The following PTPRO variants were observed in gnomAD, a reference collection of about 807,000 sequenced individuals.
The protein encoded by PTPRO is protein tyrosine phosphatase receptor type O.
Under a neutral mutation model 145.2 loss-of-function variants are expected in PTPRO, and 62 were observed. The ratio of observed to expected loss-of-function variants is 0.43; its 90% CI spans 0.35 to 0.53. The LOEUF (loss-of-function observed/expected upper bound fraction) is 0.53. Among genes scored for constraint, PTPRO ranks in the 20% least tolerant of loss-of-function variants. PTPRO has a pLI of 0.01. For missense variants in PTPRO, 1,345 were observed against 1,482.7 expected (o/e 0.91, Z 1.53); for synonymous variants, 565 against 514.7 (o/e 1.10, Z -1.32).
intron 1 of PTPRO, among the ~76,000 whole-genome samples, chr12:15,454,895 T>C (rs1941136850): frequency 6.6e-6 from 1 of 152,184 alleles, no homozygotes; most frequent in African/African-American, 2.4e-5. Flanking sequence ...AAAACATATA[T>C]GCTCGTGTTA....
At chr12:15,528,805 A>C (rs1433317220) in intron 12 of PTPRO, among the ~76,000 whole-genome samples, 2 of 152,114 alleles carry the variant, frequency 1.3e-5, no homozygotes. Flanking sequence ...ATAACAGGTA[A>C]ACAAGCTGCA....
chr12:15,435,507 A>G (rs1940570002), intron 1 of PTPRO, among the ~76,000 whole-genome samples: 1 of 151,678 alleles, frequency 6.6e-6, no homozygotes, highest in Admixed American at 6.6e-5. Flanking sequence ...TTCTTTTGGC[A>G]TTTGGGCTAA....
chr12:15,549,668 T>A (rs986551290), intron 14 of PTPRO, among the ~76,000 whole-genome samples: 1 of 152,142 alleles, frequency 6.6e-6, no homozygotes, highest in African/African-American at 2.4e-5. Context: ...GCCAAAAGTA[T>A]AAGTGGGAAA....
At chr12:15,567,033 A>G (rs1052713752) in intron 18 of PTPRO, among the ~76,000 whole-genome samples, 1 of 152,182 alleles carries the variant, frequency 6.6e-6, no homozygotes, top group African/African-American at 2.4e-5. Context: ...GCGTCCTTGG[A>G]CGAAAAGGAG....
intron 2 of PTPRO, among the ~76,000 whole-genome samples, chr12:15,489,272 G>A (rs931219363): frequency 1.1e-4 from 16 of 152,246 alleles, no homozygotes; most frequent in South Asian, 2.1e-4. Flanking sequence ...TGGATCTCAC[G>A]CAAGAAAGAA....
At chr12:15,334,005 T>C (rs1565569196) in intron 1 of PTPRO, among the ~76,000 whole-genome samples, 1 of 152,206 alleles carries the variant, frequency 6.6e-6, no homozygotes, top group African/African-American at 2.4e-5. Context: ...GTTTTTATCT[T>C]GGCTCTACGG....
chr12:15,354,399 C>A (rs1400015943), intron 1 of PTPRO, among the ~76,000 whole-genome samples: 1 of 152,082 alleles, frequency 6.6e-6, no homozygotes, highest in Non-Finnish European at 1.5e-5. Flanking sequence ...CAAATGGATG[C>A]CTTATCTTTC....
chr12:15,505,502 C>T (rs895014956), intron 6 of PTPRO, among the ~76,000 whole-genome samples: 1 of 152,168 alleles, frequency 6.6e-6, no homozygotes, highest in African/African-American at 2.4e-5. Flanking sequence ...AATGCAATTA[C>T]TTTAAAGAGA....
chr12:15,513,155 GAAAAAGAAAGAAAGAA>G (rs1942490397), intron 7 of PTPRO, among the ~76,000 whole-genome samples: 1 of 24,374 alleles, frequency 4.1e-5, no homozygotes, highest in African/African-American at 1.1e-4. Context: ...AAGAAAGAAA[GAAAAAGAAAGAAAGAA>G]AGAAAGAAAG....
chr12:15,332,355 G>A (rs1056299894), intron 1 of PTPRO, among the ~76,000 whole-genome samples: 6 of 152,132 alleles, frequency 3.9e-5, no homozygotes, highest in African/African-American at 9.7e-5. Flanking sequence ...TCAGAATCAG[G>A]AGAATTTGCT....
intron 2 of PTPRO, among the ~76,000 whole-genome samples, chr12:15,491,053 G>A (rs375710231): frequency 8.5e-4 from 130 of 152,298 alleles, no homozygotes; most frequent in African/African-American, 3.1e-3. Context: ...GTGGGCAGCT[G>A]GTGTTGCCAG....
At chr12:15,512,381 C>T (rs1591669120) in intron 7 of PTPRO, among the ~76,000 whole-genome samples, 1 of 151,700 alleles carries the variant, frequency 6.6e-6, no homozygotes, top group East Asian at 2.0e-4. Context: ...TCCCAAAGTG[C>T]TGGGATTACA....
rs373115145 is a variant in PTPRO at position 15,520,862 on chromosome 12, GGAT to G, written c.1891+554_1891+556del. On this transcript the variant is annotated intron_variant, in intron 10 of 26. Coordinates refer to ENST00000281171, the MANE Select transcript of PTPRO (RefSeq NM_030667.3). ...ATGTTTTTTTTAATGTGGAAAATGGGGATGATAATAGTATCAGTTATCTGTTAT... is the reference window on the plus strand; with the variant it reads ...ATGTTTTTTTTAATGTGGAAAATGGGGATAATAGTATCAGTTATCTGTTAT... 5.3e-4 allele frequency among the ~76,000 whole-genome samples: 81 copies of G among 151,928 alleles called. 1 individual carries two copies. The highest frequency in any genetic ancestry group is 1.8e-3 in the African/African-American group (74 of 41,432).
chr12:15,589,067 A>G (rs571228943), intron 24 of PTPRO, among the ~76,000 whole-genome samples: 2 of 152,314 alleles, frequency 1.3e-5, no homozygotes, highest in East Asian at 3.9e-4. Flanking sequence ...CATCAGTTTT[A>G]TTTCAACAGT....
At chr12:15,493,959 A>G (rs1422736859) in intron 2 of PTPRO, among the ~76,000 whole-genome samples, 1 of 152,242 alleles carries the variant, frequency 6.6e-6, no homozygotes, top group South Asian at 2.1e-4. Context: ...TTGTATCAAG[A>G]GTGATAAATC....
chr12:15,375,451 A>G (rs1482502533), intron 1 of PTPRO, among the ~76,000 whole-genome samples: 1 of 152,112 alleles, frequency 6.6e-6, no homozygotes, highest in Non-Finnish European at 1.5e-5. Context: ...CCCAATAAAG[A>G]TTATCAGTAA....
intron 1 of PTPRO, among the ~76,000 whole-genome samples, chr12:15,391,052 C>T (rs560420366): frequency 1.2e-4 from 18 of 152,232 alleles, no homozygotes; most frequent in African/African-American, 4.3e-4. Flanking sequence ...CAACGAAAAC[C>T]CTACCCTTAT....
At chr12:15,542,421 G>T (rs1008119877) in intron 12 of PTPRO, among the ~76,000 whole-genome samples, 2 of 152,222 alleles carry the variant, frequency 1.3e-5, no homozygotes, top group Non-Finnish European at 2.9e-5. Context: ...GCAGCATGCG[G>T]CCTACGGGCC....
intron 1 of PTPRO, among the ~76,000 whole-genome samples, chr12:15,400,880 G>T (rs1939474286): frequency 6.6e-6 from 1 of 152,116 alleles, no homozygotes; most frequent in African/African-American, 2.4e-5. Context: ...CTTATTCACT[G>T]ATGCATCCCC....
Sources: allele counts gnomAD v4.1 joint callset (sites outside exome capture counted in the v4.1 genomes callset), GRCh38; gene constraint gnomAD v4.1.1; transcripts MANE v1.5; gene names NCBI Gene and HGNC (gene_info 2026-07-23, HGNC 2026-07-21).